KDM5B: variants seen among roughly 807,000 people sequenced by gnomAD.
KDM5B encodes lysine demethylase 5B.
A neutral mutation model predicts 193.4 loss-of-function variants in KDM5B; 144 were observed. The observed-to-expected ratio is 0.74, with a 90% CI of 0.65 to 0.86. The LOEUF is 0.86. KDM5B is among the 40% of genes least tolerant of loss of function. The pLI is 0.00. For synonymous variants in KDM5B, 668 were observed against 682.6 expected (o/e 0.98, Z 0.33); for missense variants, 1,833 against 1,886.9 (o/e 0.97, Z 0.53).
intron 5 of KDM5B, among the ~76,000 whole-genome samples, chr1:202,765,384 C>A (rs1009986217): frequency 6.6e-6 from 1 of 152,184 alleles, no homozygotes; most frequent in Non-Finnish European, 1.5e-5. Context: ...ACTGAAGTAT[C>A]TGTGGAACTG....
chr1:202,771,929 T>C (rs868484274), intron 4 of KDM5B, among the ~76,000 whole-genome samples: 2 of 152,074 alleles, frequency 1.3e-5, no homozygotes, highest in Non-Finnish European at 2.9e-5. Context: ...TAAACATTCA[T>C]ATAATGTATT....
chr1:202,786,917 T>C (rs2102322601), intron 1 of KDM5B, among the ~76,000 whole-genome samples: 1 of 152,252 alleles, frequency 6.6e-6, no homozygotes, highest in South Asian at 2.1e-4. Context: ...TAGACCAGCC[T>C]GACCAACATG....
rs771323194 is a variant in KDM5B, at chr1:202,730,926, T to C, written c.4159A>G (p.Arg1387Gly). The C allele has an allele frequency of 7.5e-6, 12 of 1,607,358 alleles. No homozygotes were observed. Among genetic ancestry groups the C allele is most frequent in the Non-Finnish European group, 1.0e-5 (12 of 1,175,512 alleles). Residue 1387 changes from arginine to glycine, a missense_variant, in exon 25 of 27, where the codon AGA becomes GGA. Around this residue, in one of 3 missense-constraint regions of KDM5B, gnomAD observed 1,379 missense variants for 1,349.6 expected, o/e 1.02. Transcript: ENST00000367265. ...ACACTCACCTTCTCACTGCTGGGTC[T>C]CACTGGTGAGCTTCGGTCAGTCTGC... ...AQQTDRSSPVRPSSEKNDCCR... is the reference protein window; with the variant it reads ...AQQTDRSSPVGPSSEKNDCCR...
rs1027405492 is a variant in KDM5B at position 202,803,909 on chromosome 1, C to T, written c.204+4193G>A. ...GGTTTTTCTCCTGGGCATTATAGTC[C>T]TAAATTTGTCTTAAAAGGTAGTTAG... On this transcript the variant is annotated intron_variant, in intron 1 of 26. Transcript: ENST00000367265. Among the ~76,000 whole-genome samples, 40 of 131,190 alleles carry T rather than the reference C, an allele frequency of 3.0e-4. 2 individuals carry two copies. Among genetic ancestry groups the T allele is most frequent in the Non-Finnish European group, 1.2e-4 (8 of 65,200 alleles). 86.1% of individuals were successfully genotyped at this position (131,190 alleles called of 152,430 possible). A position where few individuals can be genotyped will look rare whatever the true frequency, so the allele number is the denominator to read the frequency against.
chr1:202,808,397 G>A lies in KDM5B; in HGVS notation c.-92C>T, dbSNP rs1249631856. ...TCCGAGACCCGTGCAGACGCGGCTC[G>A]AGCAACAGCAAGTCCGAGTTGTACG... On this transcript the variant is annotated 5_prime_UTR_variant, in exon 1 of 27. Coordinates refer to ENST00000367265, the MANE Select transcript of KDM5B (RefSeq NM_006618.5). The A allele has an allele frequency of 3.3e-6, 4 of 1,203,646 alleles. No individual in the cohort carries two copies. Among genetic ancestry groups the A allele is most frequent in the East Asian group, 5.1e-5 (2 of 39,048 alleles). The allele number at this position is 1,203,646 out of a possible 1,614,324, so 74.6% of individuals were successfully genotyped here. A position where few individuals can be genotyped will look rare whatever the true frequency, so the allele number is the denominator to read the frequency against.
chr1:202,788,579 TATTGG>T (rs1169009223), intron 1 of KDM5B, among the ~76,000 whole-genome samples: 2 of 152,186 alleles, frequency 1.3e-5, no homozygotes, highest in Admixed American at 1.3e-4. Context: ...TTGGTATTGG[TATTGG>T]TATTGGTATT....
rs1655336846 is a variant in KDM5B, at chr1:202,741,519, G to A, written c.2793C>T (p.Ser931=). ...EEVQQACLDP[S]SLTLDDMRRL... ...GTCTCATATCATCTAAAGTAAGGGAGCTGGGGTCTAGGCAAGCTTGCTGCA... is the reference window on the plus strand; with the variant it reads ...GTCTCATATCATCTAAAGTAAGGGAACTGGGGTCTAGGCAAGCTTGCTGCA... Residue 931 remains serine (S), a synonymous_variant, in exon 19 of 27, where the codon AGC becomes AGT. Transcript: ENST00000367265. 1.9e-6 allele frequency: 3 copies of A among 1,614,122 alleles called. No homozygotes were observed. The highest frequency in any genetic ancestry group is 1.7e-5 in the Admixed American group (1 of 60,010).
intron 1 of KDM5B, among the ~76,000 whole-genome samples, chr1:202,800,081 G>A (rs779278539): frequency 6.6e-6 from 1 of 152,138 alleles, no homozygotes; most frequent in African/African-American, 2.4e-5. Context: ...GTCTTGCTCT[G>A]TCACCAGGCT....
chr1:202,785,452 G>A (rs1397660103), intron 1 of KDM5B, among the ~76,000 whole-genome samples: 1 of 148,686 alleles, frequency 6.7e-6, no homozygotes, highest in African/African-American at 2.4e-5. Flanking sequence ...AGATTCTCAA[G>A]TCACACTGCC....
intron 12 of KDM5B, among the ~76,000 whole-genome samples, chr1:202,752,024 C>A: frequency 6.6e-6 from 1 of 152,174 alleles, no homozygotes. Context: ...TCTGTTGTCT[C>A]CATTGACTAG....
chr1:202,783,616 G>T (rs933627681), intron 1 of KDM5B, among the ~76,000 whole-genome samples: 1 of 152,216 alleles, frequency 6.6e-6, no homozygotes, highest in African/African-American at 2.4e-5. Context: ...AGTGGCTCAC[G>T]CCTGTAATCC....
intron 7 of KDM5B, among the ~76,000 whole-genome samples, chr1:202,762,480 G>A (rs573554597): frequency 5.9e-5 from 9 of 152,222 alleles, no homozygotes; most frequent in South Asian, 2.1e-4. Context: ...ATGCCGCCCC[G>A]GATGTTACTA....
chr1:202,735,383 A>T, intron 22 of KDM5B, 46 bp downstream of exon 22: 3 of 1,564,150 alleles, frequency 1.9e-6, no homozygotes, highest in Non-Finnish European at 2.6e-6. Flanking sequence ...GTTAGAAATT[A>T]TTCTTCCCAA....
At chr1:202,754,504 T>A (rs1439565208) in intron 11 of KDM5B, among the ~76,000 whole-genome samples, 1 of 152,180 alleles carries the variant, frequency 6.6e-6, no homozygotes, top group East Asian at 1.9e-4. Flanking sequence ...CTGTGCATAG[T>A]GATACCTGAA....
intron 4 of KDM5B, 149 bp from the exon 5 acceptor site, chr1:202,767,209 A>G: frequency 6.4e-7 from 1 of 1,563,658 alleles, no homozygotes; most frequent in Non-Finnish European, 8.8e-7. Context: ...TATCTGTTAA[A>G]TGGAGGAACT....
chr1:202,794,359 G>A (rs947038812), intron 1 of KDM5B, among the ~76,000 whole-genome samples: 5 of 152,212 alleles, frequency 3.3e-5, no homozygotes, highest in Non-Finnish European at 5.9e-5. Flanking sequence ...AAATGTTTCA[G>A]TATCTGTAGC....
intron 1 of KDM5B, among the ~76,000 whole-genome samples, chr1:202,784,484 C>A (rs1657326515): frequency 6.6e-6 from 1 of 152,128 alleles, no homozygotes; most frequent in African/African-American, 2.4e-5. Flanking sequence ...CAAAATTTAA[C>A]TTTAATATAA....
At chr1:202,733,312 G>A in intron 23 of KDM5B, 89 bp downstream of exon 23, 1 of 1,457,228 alleles carries the variant, frequency 6.9e-7, no homozygotes, top group Non-Finnish European at 9.4e-7. Context: ...ATCACACCAA[G>A]GGAATAGCAA....
At chr1:202,774,276 G>A (rs1013516114) in intron 3 of KDM5B, among the ~76,000 whole-genome samples, 1 of 152,026 alleles carries the variant, frequency 6.6e-6, no homozygotes. Flanking sequence ...ACAGGGTCTC[G>A]CTCAGTTACC....
Sources: gnomAD v4.1 joint callset for allele counts (sites outside exome capture counted in the v4.1 genomes callset) on GRCh38, gnomAD v4.1.1 for gene constraint, gnomAD v4.1.1 regional missense constraint, MANE v1.5 for transcripts, NCBI Gene and HGNC (gene_info 2026-07-23, HGNC 2026-07-21) for gene names.